The following LRRIQ1 variants were observed in gnomAD, a reference collection of about 807,000 sequenced individuals.
The protein encoded by LRRIQ1 is leucine rich repeats and IQ motif containing 1.
LRRIQ1 carries 210 observed loss-of-function variants against 211.9 expected under a neutral mutation model. That is an observed-to-expected ratio of 0.99 (90% CI 0.89 to 1.11). The LOEUF (loss-of-function observed/expected upper bound fraction) is 1.11, where lower values mean the gene tolerates loss of function less well. Ranked by LOEUF, LRRIQ1 falls within the 50% of genes most tolerant of loss-of-function variation. The pLI, the probability that LRRIQ1 is intolerant of heterozygous loss-of-function variation, is 0.00. For missense variants in LRRIQ1, 2,136 were observed against 1,939.5 expected (o/e 1.10, Z -1.90); for synonymous variants, 699 against 650.1 (o/e 1.08, Z -1.14).
chr12:85,212,765 G>A (rs185246102), intron 24 of LRRIQ1, among the ~76,000 whole-genome samples: 12 of 147,832 alleles, frequency 8.1e-5, no homozygotes, highest in East Asian at 5.9e-4. Flanking sequence ...AATACGTATC[G>A]AATATATATT....
rs371832546 is a variant in LRRIQ1, at chr12:85,232,435, C to G, written c.4956-261C>G. On this transcript the variant is annotated intron_variant, in intron 25 of 26. Coordinates refer to ENST00000393217, the MANE Select transcript of LRRIQ1 (RefSeq NM_001079910.2). ...CTTTACTAGTACTAATCAATTGTGG[C>G]TCTTTGCATGTGTTTATGTTTGACA... Among the ~76,000 whole-genome samples the G allele has an allele frequency of 1.8e-4, 27 of 152,140 alleles. No homozygotes were observed. The East Asian group carries it at 1.9e-3, about 11-fold the overall frequency.
intron 24 of LRRIQ1, among the ~76,000 whole-genome samples, chr12:85,223,526 T>C (rs1894502959): frequency 6.6e-6 from 1 of 152,200 alleles, no homozygotes. Context: ...AAACAAAATA[T>C]TGGAAGAGTG....
At chr12:85,259,240 C>T (rs1896215425) in intron 1 of LRRIQ1, among the ~76,000 whole-genome samples, 2 of 151,940 alleles carry the variant, frequency 1.3e-5, no homozygotes, top group African/African-American at 4.8e-5. Context: ...ATTTGTTAGT[C>T]GTACATATTT....
intron 17 of LRRIQ1, 145 bp downstream of exon 17, chr12:85,124,664 G>A (rs886856427): frequency 1.2e-5 from 8 of 650,268 alleles, no homozygotes; most frequent in South Asian, 1.9e-5. Context: ...TTCGTGAGGT[G>A]CATTATGTTT....
chr12:85,239,908 G>A (rs1363382688), intron 26 of LRRIQ1, among the ~76,000 whole-genome samples: 1 of 151,978 alleles, frequency 6.6e-6, no homozygotes, highest in Non-Finnish European at 1.5e-5. Context: ...AACCGGGGAG[G>A]CAGACTTTGC....
chr12:85,115,368 T>C (rs1027534408), intron 15 of LRRIQ1, among the ~76,000 whole-genome samples: 1 of 152,164 alleles, frequency 6.6e-6, no homozygotes, highest in Non-Finnish European at 1.5e-5. Flanking sequence ...GTAAATAACA[T>C]GAAGAAAATG....
In LRRIQ1 at chr12:85,121,827, C is replaced by A. The variant is rs745881830; in HGVS notation, c.3508C>A (p.Gln1170Lys). 6.2e-7 allele frequency: 1 copy of A among 1,606,644 alleles called. No homozygotes were observed. Among genetic ancestry groups the A allele is most frequent in the East Asian group, 2.2e-5 (1 of 44,478 alleles). Residue 1170 changes from glutamine to lysine, a missense_variant, in exon 16 of 27, where the codon CAG becomes AAG. Physicochemically the swap from Gln to Lys is moderately conservative, Grantham distance 53. Coordinates refer to ENST00000393217, the MANE Select transcript of LRRIQ1 (RefSeq NM_001079910.2). ...AGGTTTCCTGGCACTTTGTCAGTCT[C>A]AGATTCGAGAATTCAACTTGCTAAT... ...SAGFLALCQSQIREFNLLIEN... is the reference protein window; with the variant it reads ...SAGFLALCQSKIREFNLLIEN...
chr12:85,251,696 G>A (rs1043941651), intron 1 of LRRIQ1, among the ~76,000 whole-genome samples: 2 of 150,680 alleles, frequency 1.3e-5, no homozygotes, highest in African/African-American at 2.5e-5. Context: ...GATATTTGAG[G>A]TCTAGTTTGT....
chr12:85,183,827 T>C (rs1892105089), intron 24 of LRRIQ1, among the ~76,000 whole-genome samples: 1 of 152,152 alleles, frequency 6.6e-6, no homozygotes, highest in Non-Finnish European at 1.5e-5. Context: ...AGATGCTTAC[T>C]TTTTATAGAC....
At chr12:85,121,595 T>A in intron 15 of LRRIQ1, 102 bp from the exon 16 acceptor site, 1 of 800,388 alleles carries the variant, frequency 1.2e-6, no homozygotes, top group Non-Finnish European at 1.7e-6. Flanking sequence ...CTGAGATATA[T>A]ATCCTATGCT....
At chr12:85,237,047 T>C (rs908506954) in intron 26 of LRRIQ1, among the ~76,000 whole-genome samples, 12 of 151,780 alleles carry the variant, frequency 7.9e-5, no homozygotes, top group African/African-American at 2.4e-4. Context: ...AAAATAGATA[T>C]ATTTAAATTA....
chr12:85,153,192 G>T (rs1019271383), intron 21 of LRRIQ1, 47 bp downstream of exon 21: 20 of 1,483,914 alleles, frequency 1.3e-5, no homozygotes, highest in Non-Finnish European at 1.8e-5. Context: ...AATGACAACA[G>T]TATTACATAT....
At chr12:85,090,404 C>T (rs1036851948) in intron 11 of LRRIQ1, among the ~76,000 whole-genome samples, 1 of 152,156 alleles carries the variant, frequency 6.6e-6, no homozygotes, top group Non-Finnish European at 1.5e-5. Context: ...GCAGCTTGCA[C>T]CTTGCATCCA....
chr12:85,161,476 T>C (rs1428130761), intron 24 of LRRIQ1, among the ~76,000 whole-genome samples: 1 of 152,060 alleles, frequency 6.6e-6, no homozygotes, highest in Non-Finnish European at 1.5e-5. Context: ...ATAGTTTGGA[T>C]AGCAATTTTA....
At chr12:85,233,877 C>A (rs1347067666) in intron 26 of LRRIQ1, among the ~76,000 whole-genome samples, 2 of 152,010 alleles carry the variant, frequency 1.3e-5, no homozygotes, top group Admixed American at 1.3e-4. Flanking sequence ...TGGTTAGTGG[C>A]CACCTTAGAG....
At chr12:85,169,003 A>C (rs2136792009) in intron 24 of LRRIQ1, among the ~76,000 whole-genome samples, 1 of 152,328 alleles carries the variant, frequency 6.6e-6, no homozygotes, top group Non-Finnish European at 1.5e-5. Context: ...ATGTTTCAAT[A>C]GTATCCTGAG....
chr12:85,243,252 CTAA>C (rs1324891508), intron 26 of LRRIQ1, among the ~76,000 whole-genome samples: 1 of 147,122 alleles, frequency 6.8e-6, no homozygotes, highest in Non-Finnish European at 1.5e-5. Context: ...TGCAGCTATT[CTAA>C]TGTTAGACAT....
At chr12:85,190,226 T>C (rs1441278983) in intron 24 of LRRIQ1, among the ~76,000 whole-genome samples, 1 of 144,708 alleles carries the variant, frequency 6.9e-6, no homozygotes, top group Non-Finnish European at 1.5e-5. Context: ...AATTTTATAA[T>C]GATATATTAA....
At chr12:85,219,608 C>T (rs1894306369) in intron 24 of LRRIQ1, among the ~76,000 whole-genome samples, 1 of 151,884 alleles carries the variant, frequency 6.6e-6, no homozygotes, top group Non-Finnish European at 1.5e-5. Flanking sequence ...CCCTCTCTGC[C>T]ATAAAATATA....
Sources: gnomAD v4.1 joint callset for allele counts (sites outside exome capture counted in the v4.1 genomes callset) on GRCh38, gnomAD v4.1.1 for gene constraint, MANE v1.5 for transcripts, NCBI Gene and HGNC (gene_info 2026-07-23, HGNC 2026-07-21) for gene names.